The following TRPM3 variants were observed in gnomAD, a reference collection of about 807,000 sequenced individuals.
The protein encoded by TRPM3 is transient receptor potential cation channel subfamily M member 3, also known as long transient receptor potential channel 3.
A neutral mutation model predicts 181.2 loss-of-function variants in TRPM3; 77 were observed. That is an observed-to-expected ratio of 0.42 (90% CI 0.35 to 0.51). TRPM3 has a LOEUF of 0.51. Ranked by LOEUF, TRPM3 falls within the 20% of genes least tolerant of loss-of-function variation. The probability of loss-of-function intolerance (pLI) is 0.01; values close to 1 mark genes in which losing one functional copy is unlikely to be tolerated. For synonymous variants in TRPM3, 745 were observed against 796.4 expected, an observed-to-expected ratio of 0.94 and a Z score of 1.09; for missense variants, 1,759 against 2,196.7, an observed-to-expected ratio of 0.80 and a Z score of 3.98.
intron 8 of TRPM3, among the ~76,000 whole-genome samples, chr9:70,683,477 TA>T (rs1480959599): frequency 7.9e-6 from 1 of 125,792 alleles, no homozygotes; most frequent in Non-Finnish European, 1.7e-5. Context: ...GGGGTTTCAT[TA>T]TGTTGCCCAG....
In TRPM3 at chr9:70,549,921, T is replaced by C. The variant is rs144775150; in HGVS notation, c.3575-247A>G. Among the ~76,000 whole-genome samples the C allele has an allele frequency of 2.5e-3, 375 of 152,214 alleles. 3 individuals are homozygous for C. The highest frequency in any genetic ancestry group is 8.5e-3 in the African/African-American group (352 of 41,514). ...TATCTGGTTTACTGCAGGAGCTGAGTAGAATTAGGCAAGTTGTGAGGCCAG... is the reference window on the plus strand; with the variant it reads ...TATCTGGTTTACTGCAGGAGCTGAGCAGAATTAGGCAAGTTGTGAGGCCAG... On this transcript the variant is annotated intron_variant, in intron 24 of 25. Coordinates refer to ENST00000677713, the MANE Select transcript of TRPM3 (RefSeq NM_001366145.2).
chr9:70,964,426 G>C (rs900702739), intron 1 of TRPM3, among the ~76,000 whole-genome samples: 2 of 152,026 alleles, frequency 1.3e-5, no homozygotes, highest in Non-Finnish European at 2.9e-5. Flanking sequence ...CTGAAGTGAA[G>C]GCAACAATCT....
intron 1 of TRPM3, among the ~76,000 whole-genome samples, chr9:71,077,889 T>G (rs4520229): frequency 6.6e-6 from 1 of 151,226 alleles, no homozygotes; most frequent in African/African-American, 2.4e-5. Context: ...ATTCAACTCA[T>G]AATCATTTGT....
chr9:71,378,630 G>C (rs1588738794), intron 1 of TRPM3, among the ~76,000 whole-genome samples: 1 of 152,078 alleles, frequency 6.6e-6, no homozygotes. Flanking sequence ...TCACTCAGAT[G>C]CTTCCTCTTG....
intron 21 of TRPM3, 64 bp downstream of exon 21, chr9:70,598,355 T>G (rs946999632): frequency 1.9e-6 from 3 of 1,573,922 alleles, no homozygotes; most frequent in Non-Finnish European, 2.6e-6. Context: ...ATTATTTCCC[T>G]CTATCTATTA....
At chr9:70,686,880 C>T (rs1255076968) in intron 8 of TRPM3, among the ~76,000 whole-genome samples, 2 of 137,420 alleles carry the variant, frequency 1.5e-5, no homozygotes, top group Non-Finnish European at 3.0e-5. Flanking sequence ...GGCTGGAGTG[C>T]ATGATCTTGG....
chr9:71,046,157 T>C (rs1157275325), intron 1 of TRPM3, among the ~76,000 whole-genome samples: 1 of 152,078 alleles, frequency 6.6e-6, no homozygotes, highest in Non-Finnish European at 1.5e-5. Flanking sequence ...GGCTAATTTT[T>C]TGTATTTTTA....
chr9:70,899,629 C>T (rs2096353277), intron 1 of TRPM3, among the ~76,000 whole-genome samples: 1 of 152,076 alleles, frequency 6.6e-6, no homozygotes, highest in Non-Finnish European at 1.5e-5. Flanking sequence ...GAAACTATTC[C>T]TAACCTACGC....
intron 1 of TRPM3, among the ~76,000 whole-genome samples, chr9:70,872,710 C>A (rs1334217175): frequency 1.3e-5 from 2 of 151,910 alleles, no homozygotes; most frequent in East Asian, 3.9e-4. Flanking sequence ...AGTGGACAAA[C>A]TGGGGGAGAA....
intron 1 of TRPM3, among the ~76,000 whole-genome samples, chr9:71,315,330 T>C (rs2088461335): frequency 6.6e-6 from 1 of 152,210 alleles, no homozygotes. Flanking sequence ...CAAGTGATTC[T>C]ATTGCATAAT....
intron 1 of TRPM3, among the ~76,000 whole-genome samples, chr9:71,239,210 T>C (rs1165731810): frequency 6.6e-6 from 1 of 152,170 alleles, no homozygotes; most frequent in African/African-American, 2.4e-5. Context: ...CAAGCCAAAA[T>C]AGAAGAACAA....
At chr9:71,183,665 G>T (rs1487499270) in intron 1 of TRPM3, among the ~76,000 whole-genome samples, 1 of 151,850 alleles carries the variant, frequency 6.6e-6, no homozygotes, top group African/African-American at 2.4e-5. Flanking sequence ...CACACAGCTG[G>T]GAAAATCTTC....
chr9:71,418,264 G>C (rs2131509201), intron 1 of TRPM3, among the ~76,000 whole-genome samples: 1 of 151,978 alleles, frequency 6.6e-6, no homozygotes, highest in East Asian at 1.9e-4. Flanking sequence ...AAACCAAAGG[G>C]AATTTATTAA....
intron 1 of TRPM3, among the ~76,000 whole-genome samples, chr9:70,871,398 C>A (rs935252895): frequency 6.6e-6 from 1 of 151,656 alleles, no homozygotes; most frequent in African/African-American, 2.4e-5. Flanking sequence ...TTTTTTTACC[C>A]GATTCTCTCC....
At chr9:70,861,934 G>T (rs139786111) in intron 3 of TRPM3, among the ~76,000 whole-genome samples, 5 of 151,632 alleles carry the variant, frequency 3.3e-5, no homozygotes, top group East Asian at 2.0e-4. Flanking sequence ...CTGCAGTGGC[G>T]GGGGTGGGGG....
intron 22 of TRPM3, among the ~76,000 whole-genome samples, chr9:70,567,695 T>C (rs923063137): frequency 6.1e-5 from 9 of 148,176 alleles, no homozygotes; most frequent in African/African-American, 1.9e-4. Context: ...GGATCCTACA[T>C]AGAAAGAAAA....
chr9:71,031,422 T>G (rs1268786016), intron 1 of TRPM3, among the ~76,000 whole-genome samples: 1 of 152,160 alleles, frequency 6.6e-6, no homozygotes, highest in East Asian at 1.9e-4. Flanking sequence ...TCATTTATAA[T>G]AAGATAGTGA....
chr9:70,998,186 T>C (rs12379952), intron 1 of TRPM3, among the ~76,000 whole-genome samples: 1 of 147,010 alleles, frequency 6.8e-6, no homozygotes, highest in African/African-American at 2.5e-5. Context: ...TATATATACA[T>C]ATATACACAT....
chr9:70,548,268 A>T (rs539403208), intron 25 of TRPM3, among the ~76,000 whole-genome samples: 1 of 152,180 alleles, frequency 6.6e-6, no homozygotes, highest in South Asian at 2.1e-4. Context: ...GCTTTACGTT[A>T]TATCATCATA....
Sources: allele counts gnomAD v4.1 joint callset (sites outside exome capture counted in the v4.1 genomes callset), GRCh38; gene constraint gnomAD v4.1.1; transcripts MANE v1.5; gene names NCBI Gene and HGNC (gene_info 2026-07-23, HGNC 2026-07-21).